Variants in ME1 observed in about 807,000 individuals in gnomAD.
The protein encoded by ME1 is NADP-dependent malic enzyme.
Under a neutral mutation model 66.4 loss-of-function variants are expected in ME1, and 74 were observed. The observed-to-expected ratio is 1.11, with a 90% CI of 0.92 to 1.35. The LOEUF (loss-of-function observed/expected upper bound fraction) is 1.35. Ranked by LOEUF, ME1 falls within the 40% of genes most tolerant of loss-of-function variation. ME1 has a pLI of 0.00. For synonymous variants in ME1, 251 were observed against 235.6 expected (o/e 1.07, Z -0.60); for missense variants, 750 against 694.1 (o/e 1.08, Z -0.90).
At chr6:83,372,252 G>A (rs12213544) in intron 3 of ME1, among the ~76,000 whole-genome samples, 8,850 of 152,158 alleles carry the variant, frequency 0.058, 489 homozygotes, top group African/African-American at 0.14. Context: ...ACAGAAGTAA[G>A]GCTGTGCCAG....
At chr6:83,327,306 C>T (rs1768314035) in intron 5 of ME1, among the ~76,000 whole-genome samples, 1 of 152,150 alleles carries the variant, frequency 6.6e-6, no homozygotes, top group Non-Finnish European at 1.5e-5. Context: ...AGAGAGATAA[C>T]CTTAAACTCT....
chr6:83,302,945 A>G (rs1767754893), intron 6 of ME1, among the ~76,000 whole-genome samples: 1 of 152,162 alleles, frequency 6.6e-6, no homozygotes, highest in Non-Finnish European at 1.5e-5. Flanking sequence ...GATCCTAAAG[A>G]AAATCAGAAG....
At chr6:83,372,500 C>G (rs1401914951) in intron 3 of ME1, among the ~76,000 whole-genome samples, 1 of 152,178 alleles carries the variant, frequency 6.6e-6, no homozygotes, top group Admixed American at 6.5e-5. Context: ...TGTGGATTCT[C>G]CATTCCCTAG....
At chr6:83,334,083 C>A (rs576270552) in intron 5 of ME1, among the ~76,000 whole-genome samples, 1 of 152,112 alleles carries the variant, frequency 6.6e-6, no homozygotes, top group Non-Finnish European at 1.5e-5. Context: ...GAGTGCCAGA[C>A]AGTGGGCGCA....
intron 5 of ME1, among the ~76,000 whole-genome samples, chr6:83,316,475 C>T (rs1768031335): frequency 6.6e-6 from 1 of 152,024 alleles, no homozygotes; most frequent in South Asian, 2.1e-4. Context: ...GCATATTTAG[C>T]AGTGAAAGAC....
At position 83,253,738 on chromosome 6, in the gene ME1, C is replaced by T; in HGVS notation, c.705G>A (p.Lys235=). 3 of 1,521,516 alleles carry T rather than the reference C, an allele frequency of 2.0e-6. No individual in the cohort carries two copies. Among genetic ancestry groups the T allele is most frequent in the East Asian group, 2.3e-5 (1 of 44,284 alleles). 94.3% of individuals were successfully genotyped at this position (1,521,516 alleles called of 1,614,324 possible). A position where few individuals can be genotyped will look rare whatever the true frequency, so the allele number is the denominator to read the frequency against. ...LDEFMEAVSS[K]YGMNCLIQFE... ...ACTGAATAAGGCAATTCATGCCATA[C>T]CTATGGGACAAAAACATTCATATTA... Residue 235 remains lysine, a splice_region_variant and synonymous_variant, in exon 7 of 14, where the codon AAG becomes AAA. Transcript: ENST00000369705.
intron 6 of ME1, among the ~76,000 whole-genome samples, chr6:83,305,358 T>C (rs1767805153): frequency 6.6e-6 from 1 of 151,824 alleles, no homozygotes; most frequent in Non-Finnish European, 1.5e-5. Flanking sequence ...AAAGGAAAAG[T>C]AGAGCAAAAC....
At chr6:83,231,099 T>C (rs928579349) in intron 9 of ME1, among the ~76,000 whole-genome samples, 2 of 152,018 alleles carry the variant, frequency 1.3e-5, no homozygotes, top group Non-Finnish European at 2.9e-5. Flanking sequence ...ATAAGATAAA[T>C]TGGAAGTCAC....
chr6:83,259,370 T>C (rs1766841111), intron 6 of ME1, among the ~76,000 whole-genome samples: 1 of 152,020 alleles, frequency 6.6e-6, no homozygotes, highest in Non-Finnish European at 1.5e-5. Context: ...GAGGTTCAGA[T>C]TAAAAGCAAA....
rs147008020 is a variant in ME1, at chr6:83,401,799, G to A, written c.213-3283C>T. Reference sequence around the variant, plus strand: ...TTCTGAGTGTTCAATCTGCAGCAGAGACTAACACTGATTCCCTGATGTGGC... The same window carrying A: ...TTCTGAGTGTTCAATCTGCAGCAGAAACTAACACTGATTCCCTGATGTGGC... On this transcript the variant is annotated intron_variant, in intron 2 of 13. Transcript: ENST00000369705. Among the ~76,000 whole-genome samples the A allele has an allele frequency of 4.8e-3, 724 of 152,270 alleles. 8 individuals are homozygous for A. The highest frequency in any genetic ancestry group is 0.017 in the African/African-American group (688 of 41,566).
intron 6 of ME1, among the ~76,000 whole-genome samples, chr6:83,291,991 T>C (rs1767512914): frequency 6.6e-6 from 1 of 152,116 alleles, no homozygotes; most frequent in Non-Finnish European, 1.5e-5. Flanking sequence ...AGCTCTTCTC[T>C]ACACTGGTAA....
At chr6:83,350,987 A>AG (rs1768791553) in intron 4 of ME1, among the ~76,000 whole-genome samples, 2 of 151,092 alleles carry the variant, frequency 1.3e-5, no homozygotes, top group East Asian at 3.9e-4. Context: ...AAAAAAAAAA[A>AG]AAAAAAAAAA....
intron 13 of ME1, 74 bp from the exon 14 acceptor site, chr6:83,212,168 T>C (rs1789903353): frequency 2.8e-6 from 3 of 1,086,762 alleles, no homozygotes; most frequent in Non-Finnish European, 3.8e-6. Context: ...TGGAAGTTTT[T>C]ATCCATTTCA....
At chr6:83,373,642 G>A (rs1432262694) in intron 3 of ME1, among the ~76,000 whole-genome samples, 1 of 152,126 alleles carries the variant, frequency 6.6e-6, no homozygotes, top group Non-Finnish European at 1.5e-5. Flanking sequence ...GGATACATGT[G>A]TACAGAACAT....
chr6:83,422,172 AC>A (rs2128553572), intron 1 of ME1, among the ~76,000 whole-genome samples: 1 of 152,338 alleles, frequency 6.6e-6, no homozygotes, highest in African/African-American at 2.4e-5. Context: ...TAAACAGCAT[AC>A]CAAAGGCTTT....
intron 9 of ME1, among the ~76,000 whole-genome samples, chr6:83,237,227 AAAAGAAAGAAAGAAAG>A (rs71545852): frequency 7.2e-5 from 5 of 69,030 alleles, no homozygotes; most frequent in Non-Finnish European, 1.1e-4. Flanking sequence ...ACAGAGAGAG[AAAAGAAAGAAAGAAAG>A]AAAGAAAGAA....
chr6:83,388,092 T>C (rs1042333095), intron 3 of ME1, among the ~76,000 whole-genome samples: 2 of 74,806 alleles, frequency 2.7e-5, no homozygotes. Context: ...CCTTCCTTCC[T>C]TTTTTTTTTT....
At chr6:83,313,095 T>C (rs919949059) in intron 6 of ME1, among the ~76,000 whole-genome samples, 3 of 152,182 alleles carry the variant, frequency 2.0e-5, no homozygotes, top group Non-Finnish European at 4.4e-5. Context: ...CAGAGTCTGA[T>C]GTCTAGGTAA....
chr6:83,341,738 C>T (rs971523776), intron 5 of ME1, among the ~76,000 whole-genome samples: 2 of 152,036 alleles, frequency 1.3e-5, no homozygotes, highest in African/African-American at 2.4e-5. Flanking sequence ...GCACTGACTT[C>T]CTGGAACAAA....
Sources: gnomAD v4.1 joint callset for allele counts (sites outside exome capture counted in the v4.1 genomes callset) on GRCh38, gnomAD v4.1.1 for gene constraint, MANE v1.5 for transcripts, NCBI Gene and HGNC (gene_info 2026-07-23, HGNC 2026-07-21) for gene names.